Variants in TEX9 observed in about 807,000 individuals in gnomAD.
TEX9 encodes testis expressed 9.
A neutral mutation model predicts 59.6 loss-of-function variants in TEX9; 74 were observed. That is an observed-to-expected ratio of 1.24 (90% CI 1.03 to 1.51). TEX9 has a LOEUF of 1.51. Among genes scored for constraint, TEX9 ranks in the 40% most tolerant of loss-of-function variants. The pLI, the probability that TEX9 is intolerant of heterozygous loss-of-function variation, is 0.00. For synonymous variants in TEX9, 186 were observed against 152.2 expected, an observed-to-expected ratio of 1.22 and a Z score of -1.64; for missense variants, 522 against 447.8, an observed-to-expected ratio of 1.17 and a Z score of -1.49.
intron 4 of TEX9, among the ~76,000 whole-genome samples, chr15:56,384,659 G>A (rs1398271255): frequency 6.6e-6 from 1 of 152,186 alleles, no homozygotes; most frequent in Non-Finnish European, 1.5e-5. Context: ...AAATTCAGAA[G>A]TGTGGCATTA....
intron 1 of TEX9, among the ~76,000 whole-genome samples, chr15:56,253,165 T>G (rs1405601574): frequency 6.6e-6 from 1 of 152,122 alleles, no homozygotes; most frequent in African/African-American, 2.4e-5. Context: ...AGATAGCTGC[T>G]GCAAGAAATT....
chr15:56,399,041 C>T (rs1413715582), intron 9 of TEX9, among the ~76,000 whole-genome samples: 2 of 152,156 alleles, frequency 1.3e-5, no homozygotes, highest in Non-Finnish European at 1.5e-5. Flanking sequence ...CCAGTGTGAT[C>T]AACGCAGAAG....
intron 1 of TEX9, among the ~76,000 whole-genome samples, chr15:56,349,028 A>G (rs1297495867): frequency 3.3e-5 from 5 of 152,056 alleles, no homozygotes; most frequent in African/African-American, 9.7e-5. Flanking sequence ...TGGCCCATCA[A>G]GTGAATTTTT....
intron 1 of TEX9, among the ~76,000 whole-genome samples, chr15:56,264,693 A>G (rs1224888533): frequency 1.3e-5 from 2 of 152,224 alleles, no homozygotes; most frequent in Admixed American, 1.3e-4. Flanking sequence ...TGTCACAAAG[A>G]CTTTATCCTA....
chr15:56,399,946 C>G (rs2142429913), intron 9 of TEX9, among the ~76,000 whole-genome samples: 1 of 151,560 alleles, frequency 6.6e-6, no homozygotes, highest in African/African-American at 2.4e-5. Context: ...TCAACATCAA[C>G]AGAAAGGACA....
chr15:56,324,779 G>A (rs573183705), intron 1 of TEX9, among the ~76,000 whole-genome samples: 14 of 152,310 alleles, frequency 9.2e-5, no homozygotes, highest in Admixed American at 2.6e-4. Context: ...TCTGCCTTGA[G>A]TGACTCTTTC....
chr15:56,261,335 G>A (rs1163463199), intron 1 of TEX9, among the ~76,000 whole-genome samples: 1 of 151,716 alleles, frequency 6.6e-6, no homozygotes, highest in Non-Finnish European at 1.5e-5. Flanking sequence ...ATATAGGCAT[G>A]TAAAGTCAAC....
At chr15:56,440,252 T>TA (rs527332253) in intron 12 of TEX9, among the ~76,000 whole-genome samples, 1 of 151,966 alleles carries the variant, frequency 6.6e-6, no homozygotes. Flanking sequence ...GTGGCTAAAA[T>TA]AAAAAATTGT....
At chr15:56,457,673 G>T in the TEX9 span, among the ~76,000 whole-genome samples, 2 of 152,006 alleles carry the variant, frequency 1.3e-5, no homozygotes, top group Non-Finnish European at 2.9e-5. Context: ...AATTAGCCAG[G>T]TGTGGTGGCA....
chr15:56,252,574 C>A (rs371858277), intron 1 of TEX9, among the ~76,000 whole-genome samples: 83 of 152,238 alleles, frequency 5.5e-4, no homozygotes, highest in Non-Finnish European at 9.7e-4. Context: ...TCTGTTCAGC[C>A]TGACATCTGG....
At chr15:56,368,613 A>G (rs2047052684) in intron 2 of TEX9, among the ~76,000 whole-genome samples, 1 of 152,122 alleles carries the variant, frequency 6.6e-6, no homozygotes, top group African/African-American at 2.4e-5. Context: ...TACTATTTCT[A>G]GAATAGTTTT....
intron 1 of TEX9, among the ~76,000 whole-genome samples, chr15:56,306,066 G>C (rs1326819401): frequency 2.6e-5 from 4 of 152,048 alleles, no homozygotes; most frequent in Non-Finnish European, 5.9e-5. Flanking sequence ...GATAACACCA[G>C]TTAAGATGGC....
intron 1 of TEX9, among the ~76,000 whole-genome samples, chr15:56,316,735 G>A (rs1172597248): frequency 6.6e-6 from 1 of 152,170 alleles, no homozygotes; most frequent in Admixed American, 6.5e-5. Context: ...AATGGTGGGC[G>A]CCCCTCCCCC....
intron 5 of TEX9, among the ~76,000 whole-genome samples, chr15:56,389,049 G>T (rs2048090284): frequency 6.6e-6 from 1 of 152,002 alleles, no homozygotes; most frequent in Non-Finnish European, 1.5e-5. Flanking sequence ...AGAACGTCCA[G>T]ATTTATTCAT....
At chr15:56,371,676 A>G (rs531345115) in intron 2 of TEX9, among the ~76,000 whole-genome samples, 1 of 152,054 alleles carries the variant, frequency 6.6e-6, no homozygotes, top group East Asian at 1.9e-4. Context: ...AAATGTTCCT[A>G]TAGGGTGGTT....
At chr15:56,246,917 A>G (rs1340282116) in intron 1 of TEX9, among the ~76,000 whole-genome samples, 3 of 152,202 alleles carry the variant, frequency 2.0e-5, no homozygotes, top group Non-Finnish European at 4.4e-5. Flanking sequence ...TGCTATAAGG[A>G]AAACATGAAA....
At position 56,394,853 on chromosome 15, in the gene TEX9, T is replaced by C; in HGVS notation, c.828+19T>C. Reference sequence around the variant, plus strand: ...AGAAAGGGTAATTATTTGGTATTTTTCCTAACTTAATGCCACAGATACAAG... The same window carrying C: ...AGAAAGGGTAATTATTTGGTATTTTCCCTAACTTAATGCCACAGATACAAG... On this transcript the variant is annotated intron_variant, in intron 9 of 12. Transcript: ENST00000352903. The C allele has an allele frequency of 6.3e-7, 1 of 1,597,236 alleles. No homozygotes were observed. Among genetic ancestry groups the C allele is most frequent in the Non-Finnish European group, 8.5e-7 (1 of 1,174,166 alleles).
chr15:56,444,600 TCTG>T, intron 12 of TEX9: 1 of 1,613,464 alleles, frequency 6.2e-7, no homozygotes, highest in Non-Finnish European at 8.5e-7. Context: ...TCGTTTGTCT[TCTG>T]CAGCATTCTC....
intron 4 of TEX9, among the ~76,000 whole-genome samples, chr15:56,384,270 G>T (rs1596154504): frequency 6.6e-6 from 1 of 152,182 alleles, no homozygotes; most frequent in Admixed American, 6.5e-5. Flanking sequence ...AACAGGAAAA[G>T]TACATAATCG....
Sources: allele counts gnomAD v4.1 joint callset (sites outside exome capture counted in the v4.1 genomes callset), GRCh38; gene constraint gnomAD v4.1.1; transcripts MANE v1.5; gene names NCBI Gene and HGNC (gene_info 2026-07-23, HGNC 2026-07-21).